The following PDE4D variants were observed in gnomAD, a reference collection of about 807,000 sequenced individuals.
PDE4D encodes phosphodiesterase 4D, also known as 3',5'-cyclic-AMP phosphodiesterase 4D.
In PDE4D, 24 loss-of-function variants were observed where a neutral mutation model predicts 87.4. That is an observed-to-expected ratio of 0.27 (90% CI 0.20 to 0.39). The LOEUF (loss-of-function observed/expected upper bound fraction) is 0.39. Among genes scored for constraint, PDE4D ranks in the 10% least tolerant of loss-of-function variants. The pLI, the probability that PDE4D is intolerant of heterozygous loss-of-function variation, is 1.00. For missense variants in PDE4D, 714 were observed against 1,041.0 expected, an observed-to-expected ratio of 0.69 and a Z score of 4.32; for synonymous variants, 384 against 383.2, an observed-to-expected ratio of 1.00 and a Z score of -0.02.
chr5:59,491,760 T>A (rs183314349), intron 1 of PDE4D, among the ~76,000 whole-genome samples: 2 of 152,306 alleles, frequency 1.3e-5, no homozygotes, highest in East Asian at 3.9e-4. Flanking sequence ...AATGTTATAG[T>A]TAAATATAAT....
At chr5:59,235,678 C>T (rs1425233746) in intron 1 of PDE4D, among the ~76,000 whole-genome samples, 2 of 152,098 alleles carry the variant, frequency 1.3e-5, no homozygotes, top group Non-Finnish European at 2.9e-5. Flanking sequence ...ATTCTCTAGC[C>T]GAGCACAATG....
chr5:59,470,591 C>T (rs548290224), intron 1 of PDE4D, among the ~76,000 whole-genome samples: 1 of 152,198 alleles, frequency 6.6e-6, no homozygotes, highest in African/African-American at 2.4e-5. Context: ...CATCTCTTGA[C>T]CTTCAATTTC....
intron 1 of PDE4D, among the ~76,000 whole-genome samples, chr5:59,699,917 G>T (rs1752320806): frequency 6.6e-6 from 1 of 152,118 alleles, no homozygotes; most frequent in African/African-American, 2.4e-5. Context: ...CCTCCTAAGA[G>T]AATCTTAATA....
intron 1 of PDE4D, among the ~76,000 whole-genome samples, chr5:59,377,524 A>G (rs1159455538): frequency 6.6e-6 from 1 of 152,178 alleles, no homozygotes; most frequent in Non-Finnish European, 1.5e-5. Flanking sequence ...TTGCACAGGA[A>G]AGGAAGCTGT....
intron 2 of PDE4D, chr5:60,127,689 G>T: frequency 1.7e-6 from 1 of 578,240 alleles, no homozygotes; most frequent in Non-Finnish European, 3.1e-6. Flanking sequence ...AGGCTGTGAG[G>T]GGAAAACAGA....
intron 5 of PDE4D, among the ~76,000 whole-genome samples, chr5:59,106,077 T>G: frequency 6.6e-6 from 1 of 152,182 alleles, no homozygotes; most frequent in East Asian, 1.9e-4. Flanking sequence ...TAATATATAA[T>G]TGGGTTTCTC....
chr5:60,016,708 C>G (rs1279203071), intron 2 of PDE4D, among the ~76,000 whole-genome samples: 1 of 152,156 alleles, frequency 6.6e-6, no homozygotes, highest in African/African-American at 2.4e-5. Flanking sequence ...AGAAGTAGCT[C>G]CTCATCTCTT....
chr5:60,077,130 C>T (rs1443686823), intron 2 of PDE4D, among the ~76,000 whole-genome samples: 6 of 152,154 alleles, frequency 3.9e-5, no homozygotes, highest in Admixed American at 2.0e-4. Context: ...GTGTTGGTGC[C>T]AGAGCAGAAT....
chr5:59,145,767 A>T (rs1778551039), intron 5 of PDE4D, among the ~76,000 whole-genome samples: 1 of 152,212 alleles, frequency 6.6e-6, no homozygotes, highest in African/African-American at 2.4e-5. Context: ...TCTAGTGAAC[A>T]TAAACACATT....
At chr5:59,402,839 C>T (rs1012825069) in intron 1 of PDE4D, among the ~76,000 whole-genome samples, 3 of 152,030 alleles carry the variant, frequency 2.0e-5, no homozygotes, top group Middle Eastern at 3.2e-3. Flanking sequence ...AGATTTCACA[C>T]TCTTTCACCA....
chr5:59,774,040 G>A (rs1394981645), intron 1 of PDE4D, among the ~76,000 whole-genome samples: 1 of 152,136 alleles, frequency 6.6e-6, no homozygotes, highest in Non-Finnish European at 1.5e-5. Flanking sequence ...AGTCTTGAAA[G>A]AAGGTACATA....
At chr5:60,111,258 T>A (rs1015222951) in intron 2 of PDE4D, among the ~76,000 whole-genome samples, 4 of 152,028 alleles carry the variant, frequency 2.6e-5, no homozygotes, top group Non-Finnish European at 5.9e-5. Context: ...TATTGAAATA[T>A]CATTCTGTAC....
intron 1 of PDE4D, among the ~76,000 whole-genome samples, chr5:59,615,632 GTCT>G (rs1829565902): frequency 6.6e-6 from 1 of 152,172 alleles, no homozygotes; most frequent in African/African-American, 2.4e-5. Flanking sequence ...CAGTCTTTAT[GTCT>G]TCTTCAATTG....
At chr5:59,848,426 G>T (rs1262013880) in intron 1 of PDE4D, among the ~76,000 whole-genome samples, 2 of 151,922 alleles carry the variant, frequency 1.3e-5, no homozygotes, top group African/African-American at 4.8e-5. Context: ...CCAATATTTA[G>T]TTAAAATATA....
chr5:59,218,314 T>C (rs1210421818), intron 1 of PDE4D, among the ~76,000 whole-genome samples: 6 of 152,206 alleles, frequency 3.9e-5, no homozygotes, highest in African/African-American at 1.2e-4. Context: ...TGGTTTAGTT[T>C]TTTTCAGTTC....
intron 6 of PDE4D, among the ~76,000 whole-genome samples, chr5:59,023,876 C>G (rs911785218): frequency 6.8e-6 from 1 of 146,390 alleles, no homozygotes; most frequent in Non-Finnish European, 1.5e-5. Context: ...TAAATAGCAA[C>G]AAATAATTTT....
intron 1 of PDE4D, among the ~76,000 whole-genome samples, chr5:59,232,535 G>T (rs1755456768): frequency 6.7e-6 from 1 of 150,268 alleles, no homozygotes; most frequent in Non-Finnish European, 1.5e-5. Context: ...ATAGATGCTG[G>T]TGAGGAAGTG....
intron 2 of PDE4D, among the ~76,000 whole-genome samples, chr5:60,039,406 AG>A (rs2152866341): frequency 6.9e-6 from 1 of 144,192 alleles, no homozygotes; most frequent in Admixed American, 6.9e-5. Context: ...GGACACAGGA[AG>A]GGGAACATCA....
At chr5:59,109,375 A>G (rs1266869732) in intron 5 of PDE4D, among the ~76,000 whole-genome samples, 1 of 152,204 alleles carries the variant, frequency 6.6e-6, no homozygotes, top group Non-Finnish European at 1.5e-5. Flanking sequence ...GCTGAGAAAG[A>G]AAAGTATGGG....
Sources: allele counts gnomAD v4.1 joint callset (sites outside exome capture counted in the v4.1 genomes callset), GRCh38; gene constraint gnomAD v4.1.1; transcripts MANE v1.5; gene names NCBI Gene and HGNC (gene_info 2026-07-23, HGNC 2026-07-21).